Variants in ATXN1 observed in about 807,000 individuals in gnomAD.
The protein encoded by ATXN1 is ataxin 1.
In ATXN1, 8 loss-of-function variants were observed where a neutral mutation model predicts 56.4. That is an observed-to-expected ratio of 0.14 (90% CI 0.08 to 0.26). The LOEUF (loss-of-function observed/expected upper bound fraction) is 0.26. ATXN1 is among the 10% of genes least tolerant of loss of function. ATXN1 has a pLI of 1.00. For synonymous variants in ATXN1, 514 were observed against 494.6 expected, an observed-to-expected ratio of 1.04 and a Z score of -0.52; for missense variants, 987 against 1,106.5, an observed-to-expected ratio of 0.89 and a Z score of 1.53.
chr6:16,671,766 T>C (rs1283464655), intron 2 of ATXN1, among the ~76,000 whole-genome samples: 1 of 152,210 alleles, frequency 6.6e-6, no homozygotes, highest in Non-Finnish European at 1.5e-5. Flanking sequence ...AATCATTATA[T>C]ATTTTGAATA....
At chr6:16,321,730 A>G (rs1369176711) in intron 7 of ATXN1, among the ~76,000 whole-genome samples, 1 of 152,156 alleles carries the variant, frequency 6.6e-6, no homozygotes, top group Non-Finnish European at 1.5e-5. Context: ...AACACCCCTC[A>G]GTTTTATATG....
At chr6:16,551,335 GC>G (rs1271188610) in intron 4 of ATXN1, among the ~76,000 whole-genome samples, 1 of 152,148 alleles carries the variant, frequency 6.6e-6, no homozygotes, top group African/African-American at 2.4e-5. Context: ...TTCATGACAG[GC>G]CCCAACATTC....
chr6:16,387,138 C>T (rs1057055667), intron 6 of ATXN1, among the ~76,000 whole-genome samples: 5 of 152,216 alleles, frequency 3.3e-5, no homozygotes, highest in African/African-American at 1.2e-4. Context: ...AAGCAAATCT[C>T]TGAATGACAG....
chr6:16,576,915 T>TA (rs1209187097), intron 4 of ATXN1, among the ~76,000 whole-genome samples: 4 of 151,982 alleles, frequency 2.6e-5, no homozygotes, highest in East Asian at 1.9e-4. Flanking sequence ...CATAAAAAGC[T>TA]AAAAAAAGAC....
intron 6 of ATXN1, among the ~76,000 whole-genome samples, chr6:16,367,142 G>A (rs78844305): frequency 0.02 from 3,082 of 152,166 alleles, 112 homozygotes; most frequent in African/African-American, 0.07. Context: ...CTGTGAACCC[G>A]AGTAACCTTG....
intron 3 of ATXN1, among the ~76,000 whole-genome samples, chr6:16,602,894 C>T (rs1364143668): frequency 1.3e-5 from 2 of 152,114 alleles, no homozygotes; most frequent in Non-Finnish European, 2.9e-5. Context: ...TGACCATGGA[C>T]AGGCTATGTA....
At chr6:16,481,479 T>G (rs1283546143) in intron 6 of ATXN1, among the ~76,000 whole-genome samples, 6 of 152,220 alleles carry the variant, frequency 3.9e-5, no homozygotes, top group Admixed American at 3.9e-4. Context: ...TAATGCTGTT[T>G]ACACAGGTAC....
chr6:16,531,779 T>C (rs1761509563), intron 4 of ATXN1, among the ~76,000 whole-genome samples: 1 of 152,072 alleles, frequency 6.6e-6, no homozygotes, highest in Admixed American at 6.6e-5. Flanking sequence ...ATTCAGTAAA[T>C]ACTTAAAAGC....
chr6:16,418,702 T>TCCCCCCCCCC (rs1211700909), intron 6 of ATXN1, among the ~76,000 whole-genome samples: 1 of 57,126 alleles, frequency 1.8e-5, no homozygotes, highest in Non-Finnish European at 3.4e-5. Flanking sequence ...ATGCTGTCCC[T>TCCCCCCCCCC]CCCCCCTCCC....
At chr6:16,549,822 A>G (rs1227550428) in intron 4 of ATXN1, among the ~76,000 whole-genome samples, 1 of 147,570 alleles carries the variant, frequency 6.8e-6, no homozygotes, top group Non-Finnish European at 1.5e-5. Context: ...ACTTGAACTC[A>G]GGAGCAAAGA....
intron 4 of ATXN1, among the ~76,000 whole-genome samples, chr6:16,565,329 T>C (rs1425518794): frequency 6.6e-6 from 1 of 152,194 alleles, no homozygotes; most frequent in African/African-American, 2.4e-5. Flanking sequence ...CATCATTTTG[T>C]TTAGGGAAGA....
chr6:16,375,585 A>AT (rs1167052203), intron 6 of ATXN1, among the ~76,000 whole-genome samples: 4 of 152,234 alleles, frequency 2.6e-5, no homozygotes, highest in African/African-American at 9.6e-5. Flanking sequence ...ATTTTGGAAC[A>AT]TGAGAAAGGC....
intron 6 of ATXN1, among the ~76,000 whole-genome samples, chr6:16,451,154 A>G (rs1759745457): frequency 6.6e-6 from 1 of 152,224 alleles, no homozygotes; most frequent in Admixed American, 6.5e-5. Flanking sequence ...CTTCAGCTGT[A>G]CAAATTATAT....
chr6:16,375,043 C>T (rs1762116373), intron 6 of ATXN1, among the ~76,000 whole-genome samples: 1 of 152,208 alleles, frequency 6.6e-6, no homozygotes, highest in Non-Finnish European at 1.5e-5. Flanking sequence ...CCCACCTACC[C>T]CAGCAGCTTT....
chr6:16,440,630 G>A (rs1312499500), intron 6 of ATXN1, among the ~76,000 whole-genome samples: 3 of 26,084 alleles, frequency 1.2e-4, no homozygotes, highest in African/African-American at 7.8e-4. Flanking sequence ...AACAGAGTGA[G>A]ACCCTGTCTT....
chr6:16,637,668 T>C (rs938453463), intron 3 of ATXN1, among the ~76,000 whole-genome samples: 16 of 152,160 alleles, frequency 1.1e-4, no homozygotes, highest in Non-Finnish European at 2.2e-4. Context: ...TTTCATAAAA[T>C]AGCTATTAAA....
intron 2 of ATXN1, among the ~76,000 whole-genome samples, chr6:16,711,053 CA>C (rs1191433303): frequency 2.6e-5 from 4 of 152,142 alleles, no homozygotes; most frequent in Non-Finnish European, 2.9e-5. Context: ...CAGCCCATGA[CA>C]GTATTTTAAT....
intron 4 of ATXN1, among the ~76,000 whole-genome samples, chr6:16,566,899 G>C (rs533355216): frequency 6.6e-6 from 1 of 151,070 alleles, no homozygotes; most frequent in African/African-American, 2.5e-5. Context: ...ATTTTGTAGA[G>C]GTGGGTCCTC....
intron 6 of ATXN1, among the ~76,000 whole-genome samples, chr6:16,420,811 C>T (rs1759016287): frequency 1.3e-5 from 2 of 152,138 alleles, no homozygotes; most frequent in Non-Finnish European, 2.9e-5. Context: ...CCTATAAAAT[C>T]TAACAGTTAC....
Sources: gnomAD v4.1 joint callset for allele counts (sites outside exome capture counted in the v4.1 genomes callset) on GRCh38, gnomAD v4.1.1 for gene constraint, MANE v1.5 for transcripts, NCBI Gene and HGNC (gene_info 2026-07-23, HGNC 2026-07-21) for gene names.